Variants in LUZP2 observed in about 807,000 individuals in gnomAD.
LUZP2 encodes leucine zipper protein 2.
Under a neutral mutation model 51.6 loss-of-function variants are expected in LUZP2, and 52 were observed. The ratio of observed to expected loss-of-function variants is 1.01; its 90% CI spans 0.81 to 1.27. LUZP2 has a LOEUF of 1.27. Ranked by LOEUF, LUZP2 falls within the 50% of genes most tolerant of loss-of-function variation. LUZP2 has a pLI of 0.00. For missense variants in LUZP2, 436 were observed against 395.4 expected (o/e 1.10, Z -0.87); for synonymous variants, 154 against 137.3 (o/e 1.12, Z -0.85).
chr11:24,564,965 C>T (rs1852167107), intron 1 of LUZP2, among the ~76,000 whole-genome samples: 1 of 152,092 alleles, frequency 6.6e-6, no homozygotes, highest in Admixed American at 6.6e-5. Flanking sequence ...TGTACTAAAA[C>T]CATCTACTTT....
chr11:24,962,607 C>G (rs1173476631), intron 7 of LUZP2, among the ~76,000 whole-genome samples: 3 of 152,200 alleles, frequency 2.0e-5, no homozygotes, highest in Non-Finnish European at 4.4e-5. Flanking sequence ...CCTTAGCTTT[C>G]AGCTCCATCA....
chr11:24,949,173 A>G (rs1484040727), intron 7 of LUZP2, among the ~76,000 whole-genome samples: 2 of 151,502 alleles, frequency 1.3e-5, no homozygotes, highest in African/African-American at 4.8e-5. Flanking sequence ...GGCAGGATGC[A>G]AAAAGGGTAA....
intron 1 of LUZP2, among the ~76,000 whole-genome samples, chr11:24,699,140 T>G (rs943134762): frequency 1.4e-5 from 2 of 146,386 alleles, no homozygotes; most frequent in East Asian, 2.1e-4. Flanking sequence ...AAACAATAAC[T>G]CTCTCTATTC....
Position 24,535,807 on chromosome 11 carries a change from G to A in LUZP2, c.62+38502G>A, listed in dbSNP as rs560009904. On this transcript the variant is annotated intron_variant, in intron 1 of 11. Coordinates refer to ENST00000336930, the MANE Select transcript of LUZP2 (RefSeq NM_001009909.4). Reference sequence around the variant, plus strand: ...ACTGTGACTTACAAATGTTCTTAATGGCATCCAGAATGGTGAATCCTTTCG... The same window carrying A: ...ACTGTGACTTACAAATGTTCTTAATAGCATCCAGAATGGTGAATCCTTTCG... Among the ~76,000 whole-genome samples the A allele has an allele frequency of 3.0e-3, 457 of 151,644 alleles. 2 individuals are homozygous for A. The highest frequency in any genetic ancestry group is 5.5e-3 in the Non-Finnish European group (371 of 67,748).
At chr11:24,586,688 G>A (rs933784272) in intron 1 of LUZP2, among the ~76,000 whole-genome samples, 6 of 152,062 alleles carry the variant, frequency 3.9e-5, no homozygotes, top group African/African-American at 1.4e-4. Context: ...ATGGAAAACT[G>A]TGAATGGTAC....
At chr11:24,920,445 CT>C (rs1009202147) in intron 7 of LUZP2, among the ~76,000 whole-genome samples, 1 of 151,904 alleles carries the variant, frequency 6.6e-6, no homozygotes, top group Non-Finnish European at 1.5e-5. Flanking sequence ...TGTTGGGTAT[CT>C]ACTCCCCCAA....
rs1302739740 is a variant in LUZP2, at chr11:24,657,530, C to T, written c.63-71639C>T. Among the ~76,000 whole-genome samples the T allele has an allele frequency of 2.0e-5, 3 of 152,126 alleles. No homozygotes were observed. In the South Asian group the frequency reaches 6.2e-4, roughly 32 times the overall value. Reference sequence around the variant, plus strand: ...TGAAAACTGGCACAAGACAGGGATGCCCTCTCTCACCACTCCTATTCAACT... The same window carrying T: ...TGAAAACTGGCACAAGACAGGGATGTCCTCTCTCACCACTCCTATTCAACT... On this transcript the variant is annotated intron_variant, in intron 1 of 11. Transcript: ENST00000336930.
At chr11:24,856,319 A>G (rs1016649590) in intron 5 of LUZP2, among the ~76,000 whole-genome samples, 4 of 152,142 alleles carry the variant, frequency 2.6e-5, no homozygotes, top group African/African-American at 9.7e-5. Flanking sequence ...AATGGACAAA[A>G]AGCATATGAA....
intron 7 of LUZP2, among the ~76,000 whole-genome samples, chr11:24,921,818 T>A (rs1854068664): frequency 6.6e-6 from 1 of 152,108 alleles, no homozygotes; most frequent in Non-Finnish European, 1.5e-5. Flanking sequence ...CTGGAATCAA[T>A]TCCCTGTGTA....
intron 1 of LUZP2, among the ~76,000 whole-genome samples, chr11:24,647,107 C>T (rs1341753841): frequency 6.6e-6 from 1 of 151,926 alleles, no homozygotes; most frequent in Non-Finnish European, 1.5e-5. Context: ...TTTCCACGCA[C>T]TCATTGTGAC....
At chr11:25,077,686 C>T (rs557943766) in intron 11 of LUZP2, among the ~76,000 whole-genome samples, 42 of 151,404 alleles carry the variant, frequency 2.8e-4, no homozygotes, top group South Asian at 1.3e-3. Flanking sequence ...TTAGTAGAGA[C>T]GGGGTTTCAC....
intron 7 of LUZP2, among the ~76,000 whole-genome samples, chr11:24,931,351 G>C (rs975637122): frequency 1.3e-5 from 2 of 152,052 alleles, no homozygotes; most frequent in African/African-American, 4.8e-5. Context: ...CTTTCTTCTT[G>C]TTGTTTGATT....
At chr11:25,037,779 A>G (rs552622110) in intron 9 of LUZP2, among the ~76,000 whole-genome samples, 5 of 152,096 alleles carry the variant, frequency 3.3e-5, no homozygotes, top group Admixed American at 2.6e-4. Context: ...AATGCTGAGT[A>G]TAGGCCACCA....
intron 6 of LUZP2, 78 bp downstream of exon 6, chr11:24,906,131 T>A: frequency 2.2e-6 from 2 of 915,804 alleles, no homozygotes; most frequent in Non-Finnish European, 3.4e-6. Context: ...AACTCAGACA[T>A]CTGGTAACTC....
chr11:25,026,309 A>C (rs1191765144), intron 9 of LUZP2, among the ~76,000 whole-genome samples: 2 of 152,132 alleles, frequency 1.3e-5, no homozygotes, highest in East Asian at 1.9e-4. Context: ...TGTAAAAATA[A>C]AATAAAATAA....
At chr11:24,608,393 A>C (rs144842552) in intron 1 of LUZP2, among the ~76,000 whole-genome samples, 222 of 152,348 alleles carry the variant, frequency 1.5e-3, no homozygotes, top group African/African-American at 5.2e-3. Context: ...TGTTATGTTT[A>C]AAGTAATAAT....
chr11:24,654,475 G>A (rs992436753), intron 1 of LUZP2, among the ~76,000 whole-genome samples: 7 of 151,822 alleles, frequency 4.6e-5, no homozygotes, highest in Middle Eastern at 3.2e-3. Context: ...GAATGCAGTG[G>A]CACGCTCTCT....
At chr11:24,910,925 G>A (rs570107988) in intron 6 of LUZP2, among the ~76,000 whole-genome samples, 1 of 152,142 alleles carries the variant, frequency 6.6e-6, no homozygotes, top group Non-Finnish European at 1.5e-5. Flanking sequence ...CAGCCAGGAG[G>A]GGGGCTGTAC....
At chr11:24,981,239 C>A (rs955266849) in intron 8 of LUZP2, among the ~76,000 whole-genome samples, 1 of 151,730 alleles carries the variant, frequency 6.6e-6, no homozygotes, top group Non-Finnish European at 1.5e-5. Context: ...ACTTAATGGG[C>A]AGTAGGTAAG....
Sources: allele counts gnomAD v4.1 joint callset (sites outside exome capture counted in the v4.1 genomes callset), GRCh38; gene constraint gnomAD v4.1.1; transcripts MANE v1.5; gene names NCBI Gene and HGNC (gene_info 2026-07-23, HGNC 2026-07-21).